Variants in RAF1 observed in about 807,000 individuals in gnomAD.
The protein encoded by RAF1 is Raf-1 proto-oncogene, serine/threonine kinase.
Under a neutral mutation model 81.1 loss-of-function variants are expected in RAF1, and 27 were observed. The ratio of observed to expected loss-of-function variants is 0.33; its 90% CI spans 0.25 to 0.46. The LOEUF (loss-of-function observed/expected upper bound fraction) is 0.46, where lower values mean the gene tolerates loss of function less well. Ranked by LOEUF, RAF1 falls within the 20% of genes least tolerant of loss-of-function variation. The pLI, the probability that RAF1 is intolerant of heterozygous loss-of-function variation, is 1.00. For synonymous variants in RAF1, 298 were observed against 294.0 expected (o/e 1.01, Z -0.14); for missense variants, 598 against 826.0 (o/e 0.72, Z 3.38).
intron 1 of RAF1, among the ~76,000 whole-genome samples, chr3:12,631,417 T>C (rs1010014877): frequency 2.6e-5 from 4 of 151,728 alleles, no homozygotes; most frequent in Non-Finnish European, 5.9e-5. Context: ...GCTAACATGG[T>C]GAAACCCTGT....
At chr3:12,604,044 C>T (rs1235821152) in intron 7 of RAF1, 92 bp downstream of exon 7, 1 of 1,431,130 alleles carries the variant, frequency 7.0e-7, no homozygotes, top group East Asian at 2.3e-5. Flanking sequence ...TGCAACATTC[C>T]TTGATCAGAT....
intron 8 of RAF1, among the ~76,000 whole-genome samples, chr3:12,601,997 T>C (rs2058876029): frequency 6.6e-6 from 1 of 152,258 alleles, no homozygotes; most frequent in South Asian, 2.1e-4. Flanking sequence ...GTAATTTCAT[T>C]ATCCAACTAA....
chr3:12,609,365 G>GTTTT, intron 3 of RAF1, 30 bp from the exon 4 acceptor site: 2 of 1,446,500 alleles, frequency 1.4e-6, no homozygotes, highest in Non-Finnish European at 1.9e-6. Context: ...AACATGAAAT[G>GTTTT]TTTAAACAAG....
At chr3:12,635,733 G>A (rs185148593) in intron 1 of RAF1, among the ~76,000 whole-genome samples, 2,059 of 151,876 alleles carry the variant, frequency 0.014, 54 homozygotes, top group African/African-American at 0.047. Context: ...CAGCACTTTG[G>A]GAGGCCAAGG....
intron 1 of RAF1, among the ~76,000 whole-genome samples, chr3:12,626,188 G>A (rs1259320161): frequency 6.8e-6 from 1 of 147,818 alleles, no homozygotes; most frequent in East Asian, 2.0e-4. Flanking sequence ...AGGTTGCAGT[G>A]AGCCAAGATA....
At chr3:12,592,123 G>C (rs2058535349) in intron 11 of RAF1, 1 of 378,390 alleles carries the variant, frequency 2.6e-6, no homozygotes, top group African/African-American at 2.1e-5. Context: ...GCTACAGTTA[G>C]GCCTTCGATA....
At chr3:12,649,837 C>CA (rs1025313556) in intron 1 of RAF1, among the ~76,000 whole-genome samples, 1 of 151,734 alleles carries the variant, frequency 6.6e-6, no homozygotes, top group African/African-American at 2.4e-5. Context: ...ATCAACTCTA[C>CA]AAAAAAATTG....
intron 2 of RAF1, among the ~76,000 whole-genome samples, chr3:12,614,891 C>T (rs1352767184): frequency 6.6e-6 from 1 of 152,150 alleles, no homozygotes; most frequent in African/African-American, 2.4e-5. Flanking sequence ...ACATACCTAA[C>T]GGAATCATGA....
At chr3:12,594,191 G>C (rs1010999441) in intron 11 of RAF1, among the ~76,000 whole-genome samples, 4 of 152,142 alleles carry the variant, frequency 2.6e-5, no homozygotes, top group African/African-American at 9.7e-5. Context: ...TGGGGACTCA[G>C]AAAGAAGGGA....
intron 1 of RAF1, among the ~76,000 whole-genome samples, chr3:12,651,772 G>C (rs1449091700): frequency 2.0e-5 from 3 of 151,868 alleles, no homozygotes; most frequent in Non-Finnish European, 4.4e-5. Flanking sequence ...CATTTTGGGA[G>C]GCCAAGGCGG....
chr3:12,654,157 G>GT (rs1230684469), intron 1 of RAF1, among the ~76,000 whole-genome samples: 1 of 57,098 alleles, frequency 1.8e-5, no homozygotes, highest in African/African-American at 1.3e-4. Context: ...TGCCTGACTA[G>GT]TTTTTTTGGT....
intron 8 of RAF1, among the ~76,000 whole-genome samples, chr3:12,602,980 A>G (rs1211267403): frequency 6.6e-6 from 1 of 152,196 alleles, no homozygotes; most frequent in Non-Finnish European, 1.5e-5. Context: ...AGCACCAACT[A>G]AGTAAGTCTA....
At chr3:12,635,793 G>A (rs2060008445) in intron 1 of RAF1, among the ~76,000 whole-genome samples, 1 of 151,776 alleles carries the variant, frequency 6.6e-6, no homozygotes, top group South Asian at 2.1e-4. Flanking sequence ...CTAACACGGT[G>A]AAACCCCATC....
intron 1 of RAF1, among the ~76,000 whole-genome samples, chr3:12,628,331 G>A (rs1022208014): frequency 7.2e-5 from 11 of 151,910 alleles, no homozygotes; most frequent in Middle Eastern, 3.4e-3. Context: ...AGGAGTTTGA[G>A]ACCAGCCTTG....
At chr3:12,599,579 T>C in intron 11 of RAF1, 112 bp downstream of exon 10, 1 of 784,302 alleles carries the variant, frequency 1.3e-6, no homozygotes, top group Admixed American at 1.8e-5. Flanking sequence ...TAAGGGAGAG[T>C]ACTGCTATAA....
chr3:12,596,182 G>T (rs1337535463), intron 11 of RAF1, among the ~76,000 whole-genome samples: 1 of 123,808 alleles, frequency 8.1e-6, no homozygotes, highest in Non-Finnish European at 1.6e-5. Flanking sequence ...CCTATAGAAA[G>T]AATTTTTCTT....
At chr3:12,590,638 A>C (rs765457480) in intron 13 of RAF1, 160 bp downstream of exon 12, 2 of 836,668 alleles carry the variant, frequency 2.4e-6, no homozygotes, top group Non-Finnish European at 3.8e-6. Flanking sequence ...AACCTGAACA[A>C]CTCATTCCTG....
At chr3:12,627,020 T>TAAA (rs2059723028) in intron 1 of RAF1, among the ~76,000 whole-genome samples, 1 of 84,192 alleles carries the variant, frequency 1.2e-5, no homozygotes, top group African/African-American at 5.0e-5. Flanking sequence ...AGACTCTGTC[T>TAAA]CAAAAAAAAA....
At chr3:12,603,313 CA>C (rs770851388) in intron 8 of RAF1, among the ~76,000 whole-genome samples, 1 of 151,204 alleles carries the variant, frequency 6.6e-6, no homozygotes, top group African/African-American at 2.4e-5. Flanking sequence ...ACTCTACTGC[CA>C]AAAAAAATTT....
Sources: allele counts gnomAD v4.1 joint callset (sites outside exome capture counted in the v4.1 genomes callset), GRCh38; gene constraint gnomAD v4.1.1; transcripts MANE v1.5; gene names NCBI Gene and HGNC (gene_info 2026-07-23, HGNC 2026-07-21).